Variants in FREM3 observed in about 807,000 individuals in gnomAD.
FREM3 encodes the protein FRAS1-related extracellular matrix protein 3.
Under a neutral mutation model 129.1 loss-of-function variants are expected in FREM3, and 105 were observed. The observed-to-expected ratio is 0.81, with a 90% CI of 0.69 to 0.96. FREM3 has a LOEUF of 0.96. Ranked by LOEUF, FREM3 falls within the 40% of genes least tolerant of loss-of-function variation. FREM3 has a pLI of 0.00. For synonymous variants in FREM3, 1,014 were observed against 1,044.9 expected (o/e 0.97, Z 0.57); for missense variants, 2,593 against 2,666.3 (o/e 0.97, Z 0.61).
intron 2 of FREM3, among the ~76,000 whole-genome samples, chr4:143,662,430 T>G (rs960964778): frequency 1.3e-5 from 2 of 152,204 alleles, no homozygotes; most frequent in African/African-American, 2.4e-5. Context: ...AGTAGTAGTT[T>G]GATTGCACTG....
intron 2 of FREM3, among the ~76,000 whole-genome samples, chr4:143,666,417 A>G (rs1422934817): frequency 6.6e-6 from 1 of 152,182 alleles, no homozygotes; most frequent in Non-Finnish European, 1.5e-5. Flanking sequence ...TCAGAGACTC[A>G]AAGATACTTG....
At chr4:143,665,684 A>G (rs1005234296) in intron 2 of FREM3, among the ~76,000 whole-genome samples, 1 of 152,124 alleles carries the variant, frequency 6.6e-6, no homozygotes, top group African/African-American at 2.4e-5. Context: ...GCTAACCATA[A>G]TGAATTTTGA....
rs562261756 is a variant in FREM3, at chr4:143,591,682, G to C, written c.6029-5689C>G. The stretch of plus-strand genomic sequence containing the variant: ...CAACTATGTGGTCAGTTTTGGAATA[G>C]GTGTGGTGTGGTGCTGAAAAGAATG... On this transcript the variant is annotated intron_variant, in intron 6 of 7. Transcript: ENST00000329798. 5.8e-4 allele frequency among the ~76,000 whole-genome samples: 89 copies of C among 152,230 alleles called. 1 individual carries two copies. Among genetic ancestry groups the C allele is most frequent in the Admixed American group, 1.8e-3 (28 of 15,284 alleles).
At chr4:143,664,921 C>T (rs990650489) in intron 2 of FREM3, among the ~76,000 whole-genome samples, 3 of 152,126 alleles carry the variant, frequency 2.0e-5, no homozygotes, top group African/African-American at 4.8e-5. Flanking sequence ...CCTAGTGCAC[C>T]GTTTTTTAAG....
At chr4:143,580,845 A>G (rs1296159549) in intron 7 of FREM3, among the ~76,000 whole-genome samples, 1 of 152,174 alleles carries the variant, frequency 6.6e-6, no homozygotes, top group Non-Finnish European at 1.5e-5. Context: ...AACCCCCAGC[A>G]CAGCACAGCT....
chr4:143,647,186 T>TGCCCTAGA (rs777107581), intron 2 of FREM3, among the ~76,000 whole-genome samples: 1 of 152,352 alleles, frequency 6.6e-6, no homozygotes, highest in Middle Eastern at 3.4e-3. Context: ...ACTTTGCCTC[T>TGCCCTAGA]GCCCTAGAGA....
intron 2 of FREM3, among the ~76,000 whole-genome samples, chr4:143,651,181 A>G (rs1739503914): frequency 6.6e-6 from 1 of 152,232 alleles, no homozygotes; most frequent in Non-Finnish European, 1.5e-5. Context: ...AAAAACACGT[A>G]TCTCCCTGCT....
chr4:143,599,782 G>GATTCAGGGA (rs1738541220), intron 6 of FREM3, among the ~76,000 whole-genome samples: 1 of 57,240 alleles, frequency 1.7e-5, no homozygotes, highest in African/African-American at 1.1e-4. Context: ...AGATTCAGGG[G>GATTCAGGGA]TACATACATT....
At chr4:143,678,379 C>A (rs896978063) in intron 2 of FREM3, among the ~76,000 whole-genome samples, 2 of 151,190 alleles carry the variant, frequency 1.3e-5, no homozygotes, top group African/African-American at 4.9e-5. Flanking sequence ...CATCACACAC[C>A]GGGGCCTGTT....
chr4:143,595,926 CAGA>C (rs1484635676), intron 6 of FREM3, among the ~76,000 whole-genome samples: 1 of 148,524 alleles, frequency 6.7e-6, no homozygotes, highest in Non-Finnish European at 1.5e-5. Flanking sequence ...CTTTGAGGCT[CAGA>C]AGGAGTCCTG....
intron 2 of FREM3, among the ~76,000 whole-genome samples, chr4:143,665,179 G>A (rs993863522): frequency 4.6e-5 from 7 of 151,850 alleles, no homozygotes; most frequent in Admixed American, 6.6e-5. Flanking sequence ...CGTCTTCTGC[G>A]TTGCTCACGC....
At chr4:143,602,237 A>G (rs1326109350) in intron 6 of FREM3, among the ~76,000 whole-genome samples, 1 of 152,218 alleles carries the variant, frequency 6.6e-6, no homozygotes, top group Non-Finnish European at 1.5e-5. Context: ...AATGACGACT[A>G]AACTGCTGCT....
chr4:143,690,385 T>G (rs906478814), intron 2 of FREM3, among the ~76,000 whole-genome samples: 4 of 152,162 alleles, frequency 2.6e-5, no homozygotes, highest in African/African-American at 9.7e-5. Flanking sequence ...GTTGGAGCAC[T>G]AGGGTCATTT....
chr4:143,639,556 A>T (rs1488595413), intron 2 of FREM3, among the ~76,000 whole-genome samples: 1 of 152,132 alleles, frequency 6.6e-6, no homozygotes, highest in Non-Finnish European at 1.5e-5. Context: ...AATCCAGAAA[A>T]CAGATTAACT....
chr4:143,699,036 T>C lies in FREM3; in HGVS notation c.1640A>G (p.Asn547Ser). ...LPVDDEPPMV[N>S]TNTGLSLTEG... ...AGTGAGTGAGAGTCCTGTGTTAGTA[T>C]TGACCATTGGTGGTTCATCATCCAC... The change falls in exon 1 of 8, where the codon AAT becomes AGT. Residue 547 changes from asparagine to serine, a missense_variant. By Grantham distance (46) the Asn-to-Ser change is conservative (BLOSUM62 1). Coordinates refer to ENST00000329798, the MANE Select transcript of FREM3 (RefSeq NM_001168235.2). This position sits in a 1 kb window ranked among gnomAD's most constrained non-coding sequence, Gnocchi z 4.2. 1.3e-6 allele frequency: 2 copies of C among 1,537,384 alleles called. No homozygotes were observed. Among genetic ancestry groups the C allele is most frequent in the Non-Finnish European group, 8.7e-7 (1 of 1,146,924 alleles).
At chr4:143,686,247 T>C (rs1247643064) in intron 2 of FREM3, among the ~76,000 whole-genome samples, 2 of 152,124 alleles carry the variant, frequency 1.3e-5, no homozygotes, top group Non-Finnish European at 2.9e-5. Flanking sequence ...TATATAGTGG[T>C]AAAAGGCCTT....
At chr4:143,651,089 G>A (rs548811327) in intron 2 of FREM3, among the ~76,000 whole-genome samples, 3 of 152,274 alleles carry the variant, frequency 2.0e-5, no homozygotes, top group Admixed American at 6.5e-5. Flanking sequence ...ATAGTAATTT[G>A]ATTCGGTTTT....
chr4:143,584,415 C>CAAA (rs33979492), intron 7 of FREM3, among the ~76,000 whole-genome samples: 16 of 90,808 alleles, frequency 1.8e-4, no homozygotes, highest in African/African-American at 6.1e-4. Context: ...GACTCCGTCT[C>CAAA]AAAAAAAAAA....
In FREM3 at chr4:143,693,177, G is replaced by A; in HGVS notation, c.5211C>T (p.Ser1737=). Residue 1737 remains serine (S), a synonymous_variant, in exon 2 of 8, where the codon TCC becomes TCT. Transcript: ENST00000329798. ...TQADIDEMKI[S]YVLNEGSNAS... ...CGTTGCTGCCCTCATTCAAGACATA[G>A]GATATCTTCATCTCATCAATGTCAG... 1.3e-6 allele frequency: 2 copies of A among 1,512,502 alleles called. No homozygotes were observed. The highest frequency in any genetic ancestry group is 1.8e-6 in the Non-Finnish European group (2 of 1,132,906). The allele number at this position is 1,512,502 out of a possible 1,614,324, so 93.7% of individuals were successfully genotyped here.
Sources: allele counts gnomAD v4.1 joint callset (sites outside exome capture counted in the v4.1 genomes callset), GRCh38; gene constraint gnomAD v4.1.1; non-coding constraint Gnocchi (gnomAD v3.1); transcripts MANE v1.5; gene names NCBI Gene and HGNC (gene_info 2026-07-23, HGNC 2026-07-21).